The following LRP5 variants were observed in gnomAD, a reference collection of about 807,000 sequenced individuals.
The protein encoded by LRP5 is low-density lipoprotein receptor-related protein 5.
LRP5 carries 62 observed loss-of-function variants against 154.1 expected under a neutral mutation model. That is an observed-to-expected ratio of 0.40 (90% CI 0.33 to 0.50). The LOEUF (loss-of-function observed/expected upper bound fraction) is 0.50. LRP5 is among the 20% of genes least tolerant of loss of function. The probability of loss-of-function intolerance (pLI) is 0.55; values close to 1 mark genes in which losing one functional copy is unlikely to be tolerated. For missense variants in LRP5, 1,915 were observed against 2,336.7 expected (o/e 0.82, Z 3.72); for synonymous variants, 966 against 1,011.5 (o/e 0.96, Z 0.85).
intron 1 of LRP5, among the ~76,000 whole-genome samples, chr11:68,321,680 G>A (rs1039332317): frequency 7.2e-5 from 11 of 152,128 alleles, no homozygotes; most frequent in Non-Finnish European, 1.2e-4. Context: ...AAATTCTAAT[G>A]CACACTAATT....
intron 8 of LRP5, 48 bp downstream of exon 8, chr11:68,403,747 T>C: frequency 1.9e-6 from 3 of 1,608,214 alleles, no homozygotes; most frequent in Non-Finnish European, 1.7e-6. Context: ...CAGACTTGCA[T>C]GAGGAGGAAG....
At chr11:68,318,879 C>T (rs563042487) in intron 1 of LRP5, among the ~76,000 whole-genome samples, 1 of 152,318 alleles carries the variant, frequency 6.6e-6, no homozygotes, top group Admixed American at 6.5e-5. Context: ...CACTCACCTT[C>T]TGAGGGCCTC....
At chr11:68,395,355 C>T (rs567910600) in intron 7 of LRP5, among the ~76,000 whole-genome samples, 229 of 149,386 alleles carry the variant, frequency 1.5e-3, no homozygotes, top group Non-Finnish European at 1.4e-3. Flanking sequence ...AGTGGGGGGG[C>T]GTCACAGTAG....
At chr11:68,348,883 G>C (rs929721524) in intron 2 of LRP5, among the ~76,000 whole-genome samples, 3 of 151,854 alleles carry the variant, frequency 2.0e-5, no homozygotes, top group Non-Finnish European at 4.4e-5. Context: ...GATCGAGGCT[G>C]CAGTGAGCTG....
intron 6 of LRP5, among the ~76,000 whole-genome samples, chr11:68,388,048 G>A (rs2098643995): frequency 6.6e-6 from 1 of 152,098 alleles, no homozygotes; most frequent in South Asian, 2.1e-4. Flanking sequence ...GGCAGCGGGA[G>A]TGCAGCAGGC....
intron 7 of LRP5, among the ~76,000 whole-genome samples, chr11:68,401,306 G>C (rs1351284016): frequency 6.6e-6 from 1 of 152,190 alleles, no homozygotes; most frequent in Non-Finnish European, 1.5e-5. Context: ...ATCACCTGCT[G>C]TTCATTGCAC....
chr11:68,316,190 C>A (rs930210016), intron 1 of LRP5, among the ~76,000 whole-genome samples: 2 of 152,124 alleles, frequency 1.3e-5, no homozygotes, highest in Admixed American at 1.3e-4. Context: ...GGGAATCTTA[C>A]AATGCGTCTT....
Position 68,425,297 on chromosome 11 carries a change from G to A in LRP5, c.3427+5G>A, listed in dbSNP as rs763683223. 1.2e-5 allele frequency: 19 copies of A among 1,602,226 alleles called. No individual in the cohort carries two copies. The highest frequency in any genetic ancestry group is 8.9e-5 in the East Asian group (4 of 44,754). ...TTGAGAGCTGTGACCTGTCAGGTAC[G>A]CGCCCCGGGGCCTGCCCTAACCGCA... On this transcript the variant is annotated splice_donor_5th_base_variant and intron_variant, in intron 15 of 22. Transcript: ENST00000294304.
At chr11:68,366,567 C>T (rs1485770150) in intron 5 of LRP5, among the ~76,000 whole-genome samples, 2 of 151,974 alleles carry the variant, frequency 1.3e-5, no homozygotes, top group Non-Finnish European at 2.9e-5. Context: ...GCGCCCGTGG[C>T]GTGTGGGTCT....
chr11:68,323,508 G>C (rs1334538399), intron 1 of LRP5, among the ~76,000 whole-genome samples: 1 of 151,786 alleles, frequency 6.6e-6, no homozygotes, highest in African/African-American at 2.4e-5. Context: ...ACCTCCCCTG[G>C]GTTCATGTGG....
chr11:68,436,188 G>A (rs2098674784), intron 18 of LRP5, among the ~76,000 whole-genome samples: 2 of 152,204 alleles, frequency 1.3e-5, no homozygotes, highest in South Asian at 4.1e-4. Context: ...TTCCCTGCTT[G>A]GTTACCAGAA....
At chr11:68,362,430 C>G (rs888402346) in intron 3 of LRP5, among the ~76,000 whole-genome samples, 11 of 152,148 alleles carry the variant, frequency 7.2e-5, no homozygotes, top group Admixed American at 7.2e-4. Flanking sequence ...TGCCTGTAAT[C>G]CCAGCACTTT....
chr11:68,448,078 G>A (rs919266823), intron 22 of LRP5, among the ~76,000 whole-genome samples: 4 of 152,210 alleles, frequency 2.6e-5, no homozygotes, highest in African/African-American at 9.6e-5. Context: ...CATGGTAGAA[G>A]ACAAGGAGGA....
chr11:68,394,967 A>C (rs1235766290), intron 7 of LRP5, among the ~76,000 whole-genome samples: 1 of 152,130 alleles, frequency 6.6e-6, no homozygotes, highest in Non-Finnish European at 1.5e-5. Context: ...ACACCCTCTG[A>C]GCATGGTAGG....
At chr11:68,312,097 T>A (rs1255126422), upstream of LRP5, among the ~76,000 whole-genome samples, 1 of 152,166 alleles carries the variant, frequency 6.6e-6, no homozygotes, top group Non-Finnish European at 1.5e-5. Flanking sequence ...ATAACTAAGG[T>A]AGAGGGTACA....
Position 68,386,686 on chromosome 11 carries a change from A to G in LRP5, c.1386A>G (p.Arg462=), listed in dbSNP as rs767124237. ...TGTCGGAGGACCTGGACGAGCCCCG[A>G]GCCATCGCACTGCACCCCGTGATGG... ...ILVSEDLDEP[R]AIALHPVMGL... Residue 462 remains arginine, a synonymous_variant, in exon 6 of 23, where the codon CGA becomes CGG. Transcript: ENST00000294304. The surrounding 1 kb of genome is among the most constrained non-coding windows in gnomAD (Gnocchi z 7.9). 6.8e-6 allele frequency: 11 copies of G among 1,613,332 alleles called. No homozygotes were observed. The highest frequency in any genetic ancestry group is 9.3e-6 in the Non-Finnish European group (11 of 1,179,896).
chr11:68,437,255 C>T (rs1390183723), intron 19 of LRP5, among the ~76,000 whole-genome samples: 4 of 152,214 alleles, frequency 2.6e-5, no homozygotes, highest in African/African-American at 9.6e-5. Flanking sequence ...GTGCCTGCAG[C>T]ACGCACCCAC....
chr11:68,302,462 C>T, the LRP5 span, among the ~76,000 whole-genome samples: 1 of 151,994 alleles, frequency 6.6e-6, no homozygotes, highest in Non-Finnish European at 1.5e-5. Context: ...CAGAAGGAAA[C>T]CTGACTCCAC....
rs761682970 is a variant in LRP5, at chr11:68,423,688, C to T, written c.3227C>T (p.Ala1076Val). 8.1e-6 allele frequency: 13 copies of T among 1,610,748 alleles called. No individual in the cohort carries two copies. The highest frequency in any genetic ancestry group is 6.6e-5 in the South Asian group (6 of 91,070). ...RDKPRAIVVN[A>V]ERGYLYFTNM... Reference sequence around the variant, plus strand: ...AAGCCCAGGGCCATCGTCGTCAACGCGGAGCGAGGGTAGGAGGCCAACGGG... The same window carrying T: ...AAGCCCAGGGCCATCGTCGTCAACGTGGAGCGAGGGTAGGAGGCCAACGGG... Residue 1076 changes from alanine to valine, a missense_variant, in exon 14 of 23, where the codon GCG becomes GTG. Physicochemically the swap from Ala to Val is moderately conservative, Grantham distance 64 (BLOSUM62 0). This residue lies in a region of LRP5 where 1,094 missense variants were observed against 1,210.1 expected (regional missense o/e 0.90). Transcript: ENST00000294304. The surrounding 1 kb of genome is among the most constrained non-coding windows in gnomAD (Gnocchi z 4.7).
Sources: allele counts gnomAD v4.1 joint callset (sites outside exome capture counted in the v4.1 genomes callset), GRCh38; gene constraint gnomAD v4.1.1; regional missense constraint gnomAD v4.1.1; non-coding constraint Gnocchi (gnomAD v3.1); transcripts MANE v1.5; gene names NCBI Gene and HGNC (gene_info 2026-07-23, HGNC 2026-07-21).